CFH: variants seen among roughly 807,000 people sequenced by gnomAD.
CFH encodes the protein H factor 1 (complement).
CFH carries 53 observed loss-of-function variants against 147.3 expected under a neutral mutation model. That is an observed-to-expected ratio of 0.36 (90% CI 0.29 to 0.45). The LOEUF (loss-of-function observed/expected upper bound fraction) is 0.45, where lower values mean the gene tolerates loss of function less well. CFH is among the 20% of genes least tolerant of loss of function. CFH has a pLI of 1.00. For missense variants in CFH, 1,380 were observed against 1,498.0 expected, an observed-to-expected ratio of 0.92 and a Z score of 1.30; for synonymous variants, 536 against 489.4, an observed-to-expected ratio of 1.10 and a Z score of -1.26.
chr1:196,694,186 TG>T (rs749067518), intron 9 of CFH, among the ~76,000 whole-genome samples: 3 of 151,992 alleles, frequency 2.0e-5, no homozygotes, highest in Non-Finnish European at 4.4e-5. Context: ...CCCCGGTGTG[TG>T]ATGTTCCCCT....
At chr1:196,746,142 G>A (rs1304893441) in intron 21 of CFH, 143 bp downstream of exon 21, 1 of 1,506,696 alleles carries the variant, frequency 6.6e-7, no homozygotes, top group Non-Finnish European at 9.1e-7. Flanking sequence ...AGAAAGTAAA[G>A]TTTAGAAATT....
intron 1 of CFH, among the ~76,000 whole-genome samples, chr1:196,664,954 AT>A (rs1251671043): frequency 6.6e-6 from 1 of 151,806 alleles, no homozygotes; most frequent in Non-Finnish European, 1.5e-5. Context: ...AGTCATTTAT[AT>A]TTCAGTTTTA....
At chr1:196,727,019 T>C (rs1669159397) in intron 14 of CFH, 79 bp downstream of exon 14, 6 of 1,374,886 alleles carry the variant, frequency 4.4e-6, no homozygotes, top group African/African-American at 1.4e-5. Context: ...AACTATATTT[T>C]TGAAATTTAC....
intron 6 of CFH, among the ~76,000 whole-genome samples, chr1:196,682,466 GA>G: frequency 6.6e-6 from 1 of 151,624 alleles, no homozygotes; most frequent in Admixed American, 6.6e-5. Context: ...ATAATCACCA[GA>G]AGTCTTTCTA....
intron 6 of CFH, among the ~76,000 whole-genome samples, chr1:196,680,794 T>G (rs1558157890): frequency 6.6e-6 from 1 of 151,908 alleles, no homozygotes; most frequent in African/African-American, 2.4e-5. Flanking sequence ...AGTAATCCTC[T>G]TTTACAAAAG....
At chr1:196,742,918 G>C (rs2149116256) in intron 19 of CFH, among the ~76,000 whole-genome samples, 1 of 152,156 alleles carries the variant, frequency 6.6e-6, no homozygotes, top group East Asian at 1.9e-4. Context: ...TGGATCCTTT[G>C]ATTAACCATT....
At chr1:196,681,771 CT>C (rs1478370423) in intron 6 of CFH, among the ~76,000 whole-genome samples, 1 of 151,748 alleles carries the variant, frequency 6.6e-6, no homozygotes, top group Non-Finnish European at 1.5e-5. Flanking sequence ...ATACTTTACG[CT>C]GATTAGATAT....
chr1:196,741,838 A>C (rs1408679382), intron 18 of CFH, 37 bp from the exon 19 acceptor site: 4 of 1,595,214 alleles, frequency 2.5e-6, no homozygotes, highest in Admixed American at 1.7e-5. Flanking sequence ...CTATTTTTAA[A>C]GATTTGCGGA....
chr1:196,657,080 C>T (rs937158105), intron 1 of CFH, among the ~76,000 whole-genome samples: 6 of 152,104 alleles, frequency 3.9e-5, no homozygotes, highest in Non-Finnish European at 7.4e-5. Context: ...CAGCTTCCAA[C>T]ACCTGGGCTC....
intron 9 of CFH, among the ~76,000 whole-genome samples, chr1:196,691,656 A>G (rs1668026852): frequency 6.6e-6 from 1 of 151,866 alleles, no homozygotes; most frequent in Non-Finnish European, 1.5e-5. Flanking sequence ...AATTCTGAAT[A>G]TAAAATCTCT....
intron 9 of CFH, among the ~76,000 whole-genome samples, chr1:196,703,324 G>A (rs12038333): frequency 0.65 from 98,420 of 152,008 alleles, 32,329 homozygotes; most frequent in East Asian, 0.95. Context: ...GGGACACTGA[G>A]TGGAAAATTT....
chr1:196,707,680 T>C (rs1668624334), intron 9 of CFH, among the ~76,000 whole-genome samples: 1 of 152,194 alleles, frequency 6.6e-6, no homozygotes, highest in East Asian at 1.9e-4. Context: ...CACTTCAACT[T>C]CAGAGACTGT....
intron 3 of CFH, 55 bp from the exon 4 acceptor site, chr1:196,675,934 A>C: frequency 8.6e-7 from 1 of 1,165,998 alleles, no homozygotes; most frequent in Non-Finnish European, 1.3e-6. Flanking sequence ...CATCGAGTTT[A>C]AAACTGCATG....
chr1:196,662,371 G>A (rs1229277532), intron 1 of CFH, among the ~76,000 whole-genome samples: 2 of 152,052 alleles, frequency 1.3e-5, no homozygotes, highest in African/African-American at 4.8e-5. Context: ...GTATATGGGT[G>A]TATACACATA....
chr1:196,666,467 A>G (rs1667089694), intron 1 of CFH, among the ~76,000 whole-genome samples: 1 of 151,692 alleles, frequency 6.6e-6, no homozygotes, highest in Admixed American at 6.6e-5. Flanking sequence ...TTTATATTAT[A>G]TTTTTCTTTA....
intron 1 of CFH, among the ~76,000 whole-genome samples, chr1:196,660,034 G>T (rs1666848940): frequency 6.6e-6 from 1 of 152,150 alleles, no homozygotes; most frequent in Non-Finnish European, 1.5e-5. Context: ...AGGAGGTAAA[G>T]TAGGGCCTAA....
intron 14 of CFH, among the ~76,000 whole-genome samples, chr1:196,727,227 G>T (rs1669166623): frequency 6.6e-6 from 1 of 152,094 alleles, no homozygotes; most frequent in Admixed American, 6.6e-5. Context: ...GTGAGGCCAG[G>T]GTGGTTGCTC....
At position 196,652,176 on chromosome 1, in the gene CFH, G is replaced by T. The variant is rs1666522276; in HGVS notation, c.58+1G>T. On this transcript the variant is annotated splice_donor_variant, in intron 1 of 21. Transcript: ENST00000367429. LOFTEE classifies it high-confidence loss of function. ...TTATGGGCTATTTGTGTAGCAGAAGGTAAGATTAAAAGAGACTCTTTTCTG... is the reference window on the plus strand; with the variant it reads ...TTATGGGCTATTTGTGTAGCAGAAGTTAAGATTAAAAGAGACTCTTTTCTG... The T allele has an allele frequency of 6.2e-7, 1 of 1,606,386 alleles. No homozygotes were observed. The highest frequency in any genetic ancestry group is 8.5e-7 in the Non-Finnish European group (1 of 1,173,346).
At chr1:196,743,171 A>G (rs1292437525) in intron 19 of CFH, among the ~76,000 whole-genome samples, 1 of 152,130 alleles carries the variant, frequency 6.6e-6, no homozygotes, top group East Asian at 1.9e-4. Context: ...ATCCAGGAAA[A>G]CTTTCGTTTA....
Sources: gnomAD v4.1 joint callset for allele counts (sites outside exome capture counted in the v4.1 genomes callset) on GRCh38, gnomAD v4.1.1 for gene constraint, MANE v1.5 for transcripts, NCBI Gene and HGNC (gene_info 2026-07-23, HGNC 2026-07-21) for gene names.